SCN8A: variants seen among roughly 807,000 people sequenced by gnomAD.
The protein encoded by SCN8A is sodium voltage-gated channel alpha subunit 8.
SCN8A carries 30 observed loss-of-function variants against 184.1 expected under a neutral mutation model. That is an observed-to-expected ratio of 0.16 (90% confidence interval 0.12 to 0.22). SCN8A has a LOEUF of 0.22. Among genes scored for constraint, SCN8A ranks in the 10% least tolerant of loss-of-function variants. SCN8A has a pLI of 1.00. For synonymous variants in SCN8A, 852 were observed against 907.0 expected, an observed-to-expected ratio of 0.94 and a Z score of 1.09; for missense variants, 1,057 against 2,498.9, an observed-to-expected ratio of 0.42 and a Z score of 12.30.
chr12:51,609,792 A>C (rs897704145), intron 1 of SCN8A, among the ~76,000 whole-genome samples: 3 of 127,934 alleles, frequency 2.3e-5, no homozygotes, highest in Admixed American at 1.8e-4. Context: ...AGGAAGGGGA[A>C]CATCATACAC....
intron 1 of SCN8A, among the ~76,000 whole-genome samples, chr12:51,592,924 AG>A (rs35087461): frequency 2.6e-5 from 4 of 151,684 alleles, no homozygotes; most frequent in African/African-American, 9.7e-5. Flanking sequence ...GAAGATGTGG[AG>A]GGGGGGATGT....
intron 1 of SCN8A, among the ~76,000 whole-genome samples, chr12:51,604,832 T>G (rs1939550434): frequency 1.3e-5 from 2 of 151,988 alleles, no homozygotes; most frequent in Admixed American, 1.3e-4. Context: ...TGTACCAGGC[T>G]CCAGTGTTTT....
At chr12:51,738,073 C>T (rs1440574598) in intron 12 of SCN8A, among the ~76,000 whole-genome samples, 17 of 152,206 alleles carry the variant, frequency 1.1e-4, no homozygotes, top group African/African-American at 2.9e-4. Flanking sequence ...TAACAATGGC[C>T]GCCATCAAAA....
chr12:51,739,370 CTTTT>C (rs1942381530), intron 12 of SCN8A, among the ~76,000 whole-genome samples: 1 of 152,066 alleles, frequency 6.6e-6, no homozygotes, highest in Non-Finnish European at 1.5e-5. Flanking sequence ...GGGGCAACTA[CTTTT>C]TGCCCAATGT....
At chr12:51,805,275 T>C (rs1295721946) in intron 26 of SCN8A, among the ~76,000 whole-genome samples, 2 of 152,128 alleles carry the variant, frequency 1.3e-5, no homozygotes, top group African/African-American at 4.8e-5. Context: ...CCTAAATAGA[T>C]GGACCTCATA....
At chr12:51,687,795 G>A (rs1226930768) in intron 5 of SCN8A, among the ~76,000 whole-genome samples, 2 of 152,156 alleles carry the variant, frequency 1.3e-5, no homozygotes, top group Non-Finnish European at 2.9e-5. Context: ...TTGCTCATTT[G>A]TGTTGTTTTA....
chr12:51,743,796 C>T (rs562483487), intron 12 of SCN8A, among the ~76,000 whole-genome samples: 34 of 152,286 alleles, frequency 2.2e-4, no homozygotes, highest in African/African-American at 7.5e-4. Flanking sequence ...TGGGTACAGA[C>T]ATGTTGTCCG....
intron 1 of SCN8A, among the ~76,000 whole-genome samples, chr12:51,650,849 C>A (rs1940696234): frequency 6.6e-6 from 1 of 152,142 alleles, no homozygotes; most frequent in African/African-American, 2.4e-5. Flanking sequence ...AGTGGGAAAT[C>A]AGGGGTCTCA....
At chr12:51,678,891 C>T (rs934687183) in intron 2 of SCN8A, among the ~76,000 whole-genome samples, 9 of 151,780 alleles carry the variant, frequency 5.9e-5, no homozygotes, top group African/African-American at 2.4e-5. Flanking sequence ...TCCTGGCTAA[C>T]ACGGTGAAAC....
chr12:51,664,765 T>C (rs1415191584), intron 2 of SCN8A, among the ~76,000 whole-genome samples: 1 of 152,192 alleles, frequency 6.6e-6, no homozygotes, highest in Non-Finnish European at 1.5e-5. Flanking sequence ...GTGCAGGATG[T>C]GCAGGTTTGT....
At chr12:51,719,582 A>C (rs1291338178) in intron 11 of SCN8A, among the ~76,000 whole-genome samples, 2 of 92,302 alleles carry the variant, frequency 2.2e-5, no homozygotes, top group Non-Finnish European at 2.1e-5. Context: ...CTGTAATCCC[A>C]GCACTTTGGG....
chr12:51,735,081 T>C (rs912889026), intron 12 of SCN8A, among the ~76,000 whole-genome samples: 2 of 152,230 alleles, frequency 1.3e-5, no homozygotes, highest in South Asian at 2.1e-4. Context: ...CTATTAATAG[T>C]TTCCACAAAT....
In SCN8A at chr12:51,721,617, G is replaced by A. The variant is rs267603508; in HGVS notation, c.1707G>A (p.Arg569=). The change falls in exon 12 of 27, where the codon AGG becomes AGA. Residue 569 remains arginine, a synonymous_variant. Coordinates refer to ENST00000627620, the MANE Select transcript of SCN8A (RefSeq NM_001330260.2). ...HNSKSSIFSF[R]GPGRFRDPGS... ...GCAAGAGCAGCATCTTCAGTTTCAG[G>A]GGACCTGGGCGGTTCCGAGACCCGG... is the stretch of plus-strand genomic sequence containing the variant. 7 of 1,613,136 alleles carry A rather than the reference G, an allele frequency of 4.3e-6. No homozygotes were observed.
At chr12:51,594,075 T>G (rs1455239884) in intron 1 of SCN8A, among the ~76,000 whole-genome samples, 1 of 152,166 alleles carries the variant, frequency 6.6e-6, no homozygotes, top group Non-Finnish European at 1.5e-5. Flanking sequence ...TAAAGTCGAT[T>G]TATCCAAAAA....
In SCN8A at chr12:51,751,498, A is replaced by G. The variant is rs1378876523; in HGVS notation, c.2275A>G (p.Ile759Val). 2 of 1,613,860 alleles carry G rather than the reference A, an allele frequency of 1.2e-6. No homozygotes were observed. The highest frequency in any genetic ancestry group is 3.3e-5 in the Admixed American group (2 of 60,004). ...IVMDPFVDLA[I>V]TICIVLNTLF... ...TATGGACCCTTTTGTGGATTTAGCCATCACCATCTGCATCGTCCTGAATAC... is the reference window on the plus strand; with the variant it reads ...TATGGACCCTTTTGTGGATTTAGCCGTCACCATCTGCATCGTCCTGAATAC... The change falls in exon 14 of 27, where the codon ATC becomes GTC. Residue 759 changes from isoleucine (I) to valine (V), a missense_variant. Coordinates refer to ENST00000627620, the MANE Select transcript of SCN8A (RefSeq NM_001330260.2).
intron 13 of SCN8A, among the ~76,000 whole-genome samples, chr12:51,746,645 C>T (rs1452851782): frequency 4.6e-5 from 7 of 152,104 alleles, no homozygotes; most frequent in Admixed American, 3.9e-4. Context: ...TGAATCATAG[C>T]ACGTCTGCAG....
intron 14 of SCN8A, among the ~76,000 whole-genome samples, chr12:51,758,138 A>T (rs1018048755): frequency 1.3e-5 from 2 of 152,182 alleles, no homozygotes; most frequent in Non-Finnish European, 2.9e-5. Flanking sequence ...CCTGGCTAGA[A>T]CATAGCGAGA....
intron 1 of SCN8A, among the ~76,000 whole-genome samples, chr12:51,597,985 G>A (rs1373528858): frequency 6.6e-6 from 1 of 152,138 alleles, no homozygotes; most frequent in East Asian, 1.9e-4. Context: ...GGTTGCAAAT[G>A]AGACTGATAG....
intron 12 of SCN8A, among the ~76,000 whole-genome samples, chr12:51,723,659 T>TG (rs1942110773): frequency 6.6e-6 from 1 of 152,158 alleles, no homozygotes; most frequent in South Asian, 2.1e-4. Flanking sequence ...GTGGATTGCT[T>TG]GAGGCCAGGA....
Sources: gnomAD v4.1 joint callset for allele counts (sites outside exome capture counted in the v4.1 genomes callset) on GRCh38, gnomAD v4.1.1 for gene constraint, MANE v1.5 for transcripts, NCBI Gene and HGNC (gene_info 2026-07-23, HGNC 2026-07-21) for gene names.